CPEB1: variants seen among roughly 807,000 people sequenced by gnomAD.
CPEB1 encodes cytoplasmic polyadenylation element-binding protein 1.
A neutral mutation model predicts 65.8 loss-of-function variants in CPEB1; 7 were observed. That is an observed-to-expected ratio of 0.11 (90% CI 0.06 to 0.20). The LOEUF (loss-of-function observed/expected upper bound fraction) is 0.20. Ranked by LOEUF, CPEB1 falls within the 10% of genes least tolerant of loss-of-function variation. The pLI, the probability that CPEB1 is intolerant of heterozygous loss-of-function variation, is 1.00. For missense variants in CPEB1, 551 were observed against 712.2 expected (o/e 0.77, Z 2.58); for synonymous variants, 262 against 260.0 (o/e 1.01, Z -0.08).
At chr15:82,571,831 G>T in intron 3 of CPEB1, 2 of 1,173,772 alleles carry the variant, frequency 1.7e-6, no homozygotes, top group Non-Finnish European at 2.1e-6. Context: ...GCTGAGCCGT[G>T]CAATAGAGAG....
intron 3 of CPEB1, among the ~76,000 whole-genome samples, chr15:82,578,854 A>T (rs1470851650): frequency 2.0e-5 from 3 of 152,152 alleles, no homozygotes; most frequent in Non-Finnish European, 4.4e-5. Flanking sequence ...TTTTTGAGAG[A>T]GTCTCACTCT....
chr15:82,647,073 C>G (rs1222850267), intron 1 of CPEB1, 64 bp downstream of exon 1: 2 of 152,762 alleles, frequency 1.3e-5, no homozygotes, highest in East Asian at 3.9e-4. Flanking sequence ...TCGGGTCGCT[C>G]CCCGCCTACG....
intron 4 of CPEB1, among the ~76,000 whole-genome samples, chr15:82,567,870 C>T (rs977197731): frequency 2.6e-5 from 4 of 152,184 alleles, no homozygotes; most frequent in African/African-American, 9.6e-5. Context: ...ACAAAAGAGT[C>T]GCAAGGGGGA....
intron 4 of CPEB1, among the ~76,000 whole-genome samples, chr15:82,561,607 C>A (rs2038220332): frequency 6.6e-6 from 1 of 152,034 alleles, no homozygotes; most frequent in African/African-American, 2.4e-5. Flanking sequence ...TGGAAAGAGT[C>A]AAAAAAGCAA....
chr15:82,579,766 G>T (rs1013016491), intron 3 of CPEB1, among the ~76,000 whole-genome samples: 5 of 150,648 alleles, frequency 3.3e-5, no homozygotes, highest in African/African-American at 1.2e-4. Context: ...CAAAAAATTA[G>T]CCGGGCGCAG....
chr15:82,590,050 C>T lies in CPEB1; in HGVS notation c.272-18518G>A, dbSNP rs4297655. ...TAAAGATAACTAGGGACAACTTTTGCTTCTACTCCACCGTATTTCTTCATA... is the reference window on the plus strand; with the variant it reads ...TAAAGATAACTAGGGACAACTTTTGTTTCTACTCCACCGTATTTCTTCATA... On this transcript the variant is annotated intron_variant, in intron 3 of 12. Transcript: ENST00000684509. Among the ~76,000 whole-genome samples, 7 of 152,172 alleles carry T rather than the reference C, an allele frequency of 4.6e-5. No individual in the cohort carries two copies. In the East Asian group the frequency reaches 1.3e-3, roughly 29 times the overall value.
intron 3 of CPEB1, among the ~76,000 whole-genome samples, chr15:82,591,092 A>G (rs979864374): frequency 3.3e-5 from 5 of 152,140 alleles, no homozygotes; most frequent in Non-Finnish European, 7.4e-5. Flanking sequence ...GAATCACTAC[A>G]CTATTTTCCA....
At chr15:82,615,455 T>C (rs1479377983) in intron 3 of CPEB1, among the ~76,000 whole-genome samples, 3 of 152,194 alleles carry the variant, frequency 2.0e-5, no homozygotes, top group Non-Finnish European at 2.9e-5. Context: ...GAGCATTCAT[T>C]GCACAACTTC....
chr15:82,624,849 C>A (rs2045622430), intron 3 of CPEB1, among the ~76,000 whole-genome samples: 1 of 147,910 alleles, frequency 6.8e-6, no homozygotes, highest in Non-Finnish European at 1.5e-5. Flanking sequence ...TTTTTTTTGG[C>A]AGAGGTGGGC....
At chr15:82,590,209 CAAAAAAAAAAAAAA>C (rs5814120) in intron 3 of CPEB1, among the ~76,000 whole-genome samples, 40 of 104,154 alleles carry the variant, frequency 3.8e-4, no homozygotes, top group African/African-American at 6.0e-4. Flanking sequence ...ATCCCTTTGA[CAAAAAAAAAAAAAA>C]AAAAAAAAAA....
intron 3 of CPEB1, 43 bp downstream of exon 3, chr15:82,627,150 T>C (rs2045848048): frequency 1.3e-6 from 2 of 1,538,358 alleles, no homozygotes; most frequent in Non-Finnish European, 1.8e-6. Context: ...GAAGCAGATC[T>C]GTACAGATGC....
At chr15:82,646,726 G>T (rs7166780) in intron 1 of CPEB1, among the ~76,000 whole-genome samples, 1 of 152,244 alleles carries the variant, frequency 6.6e-6, no homozygotes, top group Non-Finnish European at 1.5e-5. Flanking sequence ...CTCTAGGAAT[G>T]AGGCAGCAAA....
chr15:82,617,252 T>G (rs1227981947), intron 3 of CPEB1, among the ~76,000 whole-genome samples: 1 of 152,252 alleles, frequency 6.6e-6, no homozygotes, highest in African/African-American at 2.4e-5. Context: ...TTATTCCTCT[T>G]TACTGCTGAG....
At chr15:82,597,063 C>T (rs2042720431) in intron 3 of CPEB1, among the ~76,000 whole-genome samples, 2 of 152,154 alleles carry the variant, frequency 1.3e-5, no homozygotes, top group Non-Finnish European at 2.9e-5. Flanking sequence ...TTGGCTCACG[C>T]CTGTAATCCC....
chr15:82,570,211 C>T (rs1417299895), intron 4 of CPEB1, among the ~76,000 whole-genome samples: 1 of 152,140 alleles, frequency 6.6e-6, no homozygotes, highest in Non-Finnish European at 1.5e-5. Context: ...CCAGGCTCTG[C>T]AAAGCATTCT....
At chr15:82,622,608 T>TCTCA (rs2151299240) in intron 3 of CPEB1, among the ~76,000 whole-genome samples, 1 of 152,220 alleles carries the variant, frequency 6.6e-6, no homozygotes, top group East Asian at 1.9e-4. Flanking sequence ...GTCAGGCTGG[T>TCTCA]CTCAAACTCC....
Position 82,574,980 on chromosome 15 carries a change from G to A in CPEB1, c.272-3448C>T, listed in dbSNP as rs192432985. On this transcript the variant is annotated intron_variant, in intron 3 of 12. Transcript: ENST00000684509. ...CTCAGAAAACTGACACTAGCCTACA[G>A]TAGGGCAAAATAATTTAACACAAAA... Among the ~76,000 whole-genome samples, 5 of 152,276 alleles carry A rather than the reference G, an allele frequency of 3.3e-5. No homozygotes were observed. In the East Asian group the frequency reaches 9.6e-4, roughly 29 times the overall value.
rs563116822 is a variant in CPEB1 at position 82,574,601 on chromosome 15, G to C, written c.272-3069C>G. On this transcript the variant is annotated intron_variant, in intron 3 of 12. Coordinates refer to ENST00000684509, the MANE Select transcript of CPEB1 (RefSeq NM_001365242.1). Reference sequence around the variant, plus strand: ...CCAGGCACAGTGGCACACGCCTGCAGTCCCAGCTACTTAGGAGGCTGAGGC... The same window carrying C: ...CCAGGCACAGTGGCACACGCCTGCACTCCCAGCTACTTAGGAGGCTGAGGC... Among the ~76,000 whole-genome samples the C allele has an allele frequency of 4.4e-4, 67 of 151,858 alleles. 1 individual carries two copies. The Middle Eastern group carries it at 0.01, about 23-fold the overall frequency.
At chr15:82,628,043 G>C (rs1045858996) in intron 2 of CPEB1, 12 of 607,448 alleles carry the variant, frequency 2.0e-5, no homozygotes, top group Non-Finnish European at 3.5e-5. Context: ...GACCTTTAAG[G>C]CTCATTACAC....
Sources: gnomAD v4.1 joint callset for allele counts (sites outside exome capture counted in the v4.1 genomes callset) on GRCh38, gnomAD v4.1.1 for gene constraint, MANE v1.5 for transcripts, NCBI Gene and HGNC (gene_info 2026-07-23, HGNC 2026-07-21) for gene names.